Variants in CAMSAP1 observed in about 807,000 individuals in gnomAD.
CAMSAP1 encodes calmodulin regulated spectrin associated protein 1.
In CAMSAP1, 58 loss-of-function variants were observed where a neutral mutation model predicts 143.5. The ratio of observed to expected loss-of-function variants is 0.40; its 90% CI spans 0.33 to 0.50. CAMSAP1 has a LOEUF of 0.50. Among genes scored for constraint, CAMSAP1 ranks in the 20% least tolerant of loss-of-function variants. The pLI is 0.45. For synonymous variants in CAMSAP1, 945 were observed against 859.3 expected (o/e 1.10, Z -1.74); for missense variants, 1,969 against 2,115.7 (o/e 0.93, Z 1.36).
At chr9:135,887,180 C>A (rs533356886) in intron 1 of CAMSAP1, among the ~76,000 whole-genome samples, 1 of 152,100 alleles carries the variant, frequency 6.6e-6, no homozygotes, top group Admixed American at 6.5e-5. Context: ...ACCAAGCCCA[C>A]GGGACAGATG....
intron 1 of CAMSAP1, among the ~76,000 whole-genome samples, chr9:135,887,505 G>A (rs1030578186): frequency 4.6e-5 from 7 of 152,224 alleles, no homozygotes; most frequent in Admixed American, 3.9e-4. Context: ...AAACGGTGAC[G>A]AAAGAAAACC....
At chr9:135,836,617 C>G in intron 7 of CAMSAP1, 1 of 984,026 alleles carries the variant, frequency 1.0e-6, no homozygotes, top group Non-Finnish European at 1.2e-6. Flanking sequence ...CGCCACGTAC[C>G]TTCTACCCTG....
chr9:135,855,869 G>A (rs1055005395), intron 5 of CAMSAP1, among the ~76,000 whole-genome samples: 44 of 151,990 alleles, frequency 2.9e-4, no homozygotes, highest in Non-Finnish European at 5.1e-4. Context: ...TGGCTAACAC[G>A]GTGAAACCCT....
At chr9:135,873,562 G>A (rs1481374473) in intron 3 of CAMSAP1, among the ~76,000 whole-genome samples, 1 of 152,006 alleles carries the variant, frequency 6.6e-6, no homozygotes, top group East Asian at 1.9e-4. Context: ...AAAAATGAAA[G>A]AAATTGCCAA....
chr9:135,883,953 G>A (rs539290560), intron 1 of CAMSAP1, among the ~76,000 whole-genome samples: 7 of 152,272 alleles, frequency 4.6e-5, no homozygotes, highest in African/African-American at 7.2e-5. Context: ...ACGGGACACC[G>A]AATGTGTCAC....
chr9:135,868,598 T>C (rs1009776007), intron 3 of CAMSAP1, among the ~76,000 whole-genome samples: 1 of 149,864 alleles, frequency 6.7e-6, no homozygotes, highest in African/African-American at 2.5e-5. Flanking sequence ...GCTTTTCTGA[T>C]GAGATTGGCA....
intron 14 of CAMSAP1, among the ~76,000 whole-genome samples, chr9:135,816,834 G>A (rs1379074799): frequency 6.6e-6 from 1 of 152,192 alleles, no homozygotes; most frequent in East Asian, 1.9e-4. Context: ...GGAGGAAGCG[G>A]TGAGCAGGAG....
Position 135,820,751 on chromosome 9 carries a change from C to A in CAMSAP1, c.3822+88G>T, listed in dbSNP as rs975656079. The A allele has an allele frequency of 4.0e-6, 6 of 1,513,234 alleles. No individual in the cohort carries two copies. The African/African-American group carries it at 5.5e-5, about 14-fold the overall frequency. 93.7% of individuals were successfully genotyped at this position (1,513,234 alleles called of 1,614,324 possible). A position where few individuals can be genotyped will look rare whatever the true frequency, so the allele number is the denominator to read the frequency against. ...CCTCTTACAGGAGCGGCTGGCCAGC[C>A]TGGTGCAGATCTGTGTTCTCTAACT... is the stretch of plus-strand genomic sequence containing the variant. On this transcript the variant is annotated intron_variant, in intron 11 of 16. Transcript: ENST00000389532. This position sits in a 1 kb window ranked among gnomAD's most constrained non-coding sequence, Gnocchi z 4.4.
chr9:135,855,601 T>G (rs1836929092), intron 5 of CAMSAP1, among the ~76,000 whole-genome samples: 1 of 150,244 alleles, frequency 6.7e-6, no homozygotes, highest in Admixed American at 6.6e-5. Context: ...ATTGGCCAGG[T>G]GTGATGGTGC....
chr9:135,897,323 C>G (rs901236380), intron 1 of CAMSAP1, among the ~76,000 whole-genome samples: 2 of 151,752 alleles, frequency 1.3e-5, no homozygotes, highest in Non-Finnish European at 2.9e-5. Flanking sequence ...CCAGCTAATT[C>G]TTTTTTTTAA....
At chr9:135,835,534 G>A (rs776942272) in intron 7 of CAMSAP1, among the ~76,000 whole-genome samples, 2 of 152,208 alleles carry the variant, frequency 1.3e-5, no homozygotes, top group Non-Finnish European at 2.9e-5. Flanking sequence ...GCTTCACTAG[G>A]CACAAAACGC....
chr9:135,818,397 G>A lies in CAMSAP1; in HGVS notation c.4168+11C>T. Reference sequence around the variant, plus strand: ...GGAAGCGCTGCCCGCGTGAGGGCCGGGGCTGCTTACGGGTGGAGGAGCACT... The same window carrying A: ...GGAAGCGCTGCCCGCGTGAGGGCCGAGGCTGCTTACGGGTGGAGGAGCACT... On this transcript the variant is annotated intron_variant, in intron 13 of 16. Coordinates refer to ENST00000389532, the MANE Select transcript of CAMSAP1 (RefSeq NM_015447.4). The surrounding 1 kb of genome is among the most constrained non-coding windows in gnomAD (Gnocchi z 7.7). The A allele has an allele frequency of 6.4e-7, 1 of 1,564,058 alleles. No homozygotes were observed. Among genetic ancestry groups the A allele is most frequent in the Non-Finnish European group, 8.6e-7 (1 of 1,160,554 alleles).
intron 11 of CAMSAP1, among the ~76,000 whole-genome samples, chr9:135,819,982 C>A (rs1835386937): frequency 6.6e-6 from 1 of 152,234 alleles, no homozygotes; most frequent in African/African-American, 2.4e-5. Flanking sequence ...AAATTCATAA[C>A]TGCCTGGAGG....
chr9:135,835,373 A>G lies in CAMSAP1; in HGVS notation c.1046-7789T>C, dbSNP rs568662033. ...AGCAACGATTGGCGGGGAAGCAATCACCATGGCAAGGGGAAGACAGAGTTC... is the reference window on the plus strand; with the variant it reads ...AGCAACGATTGGCGGGGAAGCAATCGCCATGGCAAGGGGAAGACAGAGTTC... On this transcript the variant is annotated intron_variant, in intron 7 of 16. Coordinates refer to ENST00000389532, the MANE Select transcript of CAMSAP1 (RefSeq NM_015447.4). Among the ~76,000 whole-genome samples the G allele has an allele frequency of 2.0e-3, 312 of 152,274 alleles. 1 individual carries two copies. The highest frequency in any genetic ancestry group is 3.5e-3 in the Non-Finnish European group (240 of 68,004).
At position 135,882,825 on chromosome 9, in the gene CAMSAP1, G is replaced by A. The variant is rs1328812469; in HGVS notation, c.414C>T (p.Pro138=). The change falls in exon 2 of 17, where the codon CCC becomes CCT. Residue 138 remains proline (P), a synonymous_variant. Transcript: ENST00000389532. This position sits in a 1 kb window ranked among gnomAD's most constrained non-coding sequence, Gnocchi z 4.9. ...PVTESDLSRA[P]IKMSAHMAMV... ...ACCGCAGACCACTCACCATTTTTAT[G>A]GGTGCGCGACTGAGGTCGGACTCTG... is the stretch of plus-strand genomic sequence containing the variant. 17 of 1,549,870 alleles carry A rather than the reference G, an allele frequency of 1.1e-5. No individual in the cohort carries two copies. Among genetic ancestry groups the A allele is most frequent in the Non-Finnish European group, 1.4e-5 (16 of 1,146,440 alleles).
chr9:135,847,700 G>C (rs564022125), intron 7 of CAMSAP1, among the ~76,000 whole-genome samples: 4 of 148,154 alleles, frequency 2.7e-5, no homozygotes, highest in Admixed American at 6.8e-5. Flanking sequence ...CACCTGTCGG[G>C]GGGTGGGAGG....
rs759563356 is a variant in CAMSAP1, at chr9:135,850,328, C to T, written c.942G>A (p.Val314=). Residue 314 remains valine (V), a synonymous_variant, in exon 6 of 17, where the codon GTG becomes GTA. Coordinates refer to ENST00000389532, the MANE Select transcript of CAMSAP1 (RefSeq NM_015447.4). ...TLEDMLYAPL[V]LKPNVMVFIA... ...CCAAATAATTCGTTATTACCTTCAACACTAATGGCGCATACAGCATATCTT... is the reference window on the plus strand; with the variant it reads ...CCAAATAATTCGTTATTACCTTCAATACTAATGGCGCATACAGCATATCTT... 11 of 1,610,436 alleles carry T rather than the reference C, an allele frequency of 6.8e-6. No homozygotes were observed. The highest frequency in any genetic ancestry group is 1.3e-5 in the African/African-American group (1 of 74,724).
intron 3 of CAMSAP1, among the ~76,000 whole-genome samples, chr9:135,867,438 A>T (rs1391864593): frequency 6.6e-6 from 1 of 151,524 alleles, no homozygotes. Flanking sequence ...TGAGTCCAAA[A>T]ACCGCACGCC....
intron 1 of CAMSAP1, among the ~76,000 whole-genome samples, chr9:135,887,137 A>T (rs1838149420): frequency 6.6e-6 from 1 of 152,190 alleles, no homozygotes; most frequent in South Asian, 2.1e-4. Context: ...AGCCGGGCGC[A>T]GTGGGAGAAG....
Sources: gnomAD v4.1 joint callset for allele counts (sites outside exome capture counted in the v4.1 genomes callset) on GRCh38, gnomAD v4.1.1 for gene constraint, Gnocchi (gnomAD v3.1) non-coding constraint, MANE v1.5 for transcripts, NCBI Gene and HGNC (gene_info 2026-07-23, HGNC 2026-07-21) for gene names.